PCDHGA6: variants seen among roughly 807,000 people sequenced by gnomAD.
PCDHGA6 encodes the protein protocadherin gamma subfamily A, 6.
In PCDHGA6, 41 loss-of-function variants were observed where a neutral mutation model predicts 60.6. The ratio of observed to expected loss-of-function variants is 0.68; its 90% CI spans 0.53 to 0.88. The LOEUF (loss-of-function observed/expected upper bound fraction) is 0.88. Among genes scored for constraint, PCDHGA6 ranks in the 40% least tolerant of loss-of-function variants. The pLI, the probability that PCDHGA6 is intolerant of heterozygous loss-of-function variation, is 0.00. For synonymous variants in PCDHGA6, 594 were observed against 524.4 expected (o/e 1.13, Z -1.81); for missense variants, 1,312 against 1,203.0 (o/e 1.09, Z -1.34).
chr5:141,510,472 G>A (rs1209464436), intron 3 of PCDHGA6, among the ~76,000 whole-genome samples: 7 of 152,102 alleles, frequency 4.6e-5, no homozygotes, highest in Non-Finnish European at 1.0e-4. Context: ...GGAGTCAGAG[G>A]CTCCCTTGAG....
At chr5:141,436,611 C>T (rs893312137) in intron 1 of PCDHGA6, among the ~76,000 whole-genome samples, 1 of 152,126 alleles carries the variant, frequency 6.6e-6, no homozygotes, top group Non-Finnish European at 1.5e-5. Context: ...CTAGGGCTAA[C>T]AAAAATCTGA....
At chr5:141,404,779 C>G in intron 1 of PCDHGA6, 1 of 1,613,746 alleles carries the variant, frequency 6.2e-7, no homozygotes, top group Non-Finnish European at 8.5e-7. Context: ...ACCGCCTATT[C>G]AAGGCCAGTG....
Position 141,491,648 on chromosome 5 carries a change from T to A in PCDHGA6, c.2425-3159T>A. 6.2e-7 allele frequency: 1 copy of A among 1,613,834 alleles called. No individual in the cohort carries two copies. Among genetic ancestry groups the A allele is most frequent in the Non-Finnish European group, 8.5e-7 (1 of 1,180,002 alleles). ...GTTCAGCAGCCCACAGCTCTGGCGC[T>A]GGAGCCTGACGCCATCCGGTCCCGC... On this transcript the variant is annotated intron_variant, in intron 1 of 3. Transcript: ENST00000517434. This position sits in a 1 kb window ranked among gnomAD's most constrained non-coding sequence, Gnocchi z 6.9.
At chr5:141,409,596 A>G in intron 1 of PCDHGA6, 1 of 1,613,714 alleles carries the variant, frequency 6.2e-7, no homozygotes, top group Non-Finnish European at 8.5e-7. Flanking sequence ...GCCGAGAACA[A>G]CCCGCCAGGA....
chr5:141,503,608 A>G (rs1451651299), intron 2 of PCDHGA6, among the ~76,000 whole-genome samples: 3 of 151,994 alleles, frequency 2.0e-5, no homozygotes, highest in South Asian at 2.1e-4. Flanking sequence ...CAAAAAAAAA[A>G]AAAAAAGAAA....
At chr5:141,400,560 C>CGTAA in intron 1 of PCDHGA6, 5 of 1,613,248 alleles carry the variant, frequency 3.1e-6, no homozygotes, top group Non-Finnish European at 3.4e-6. Flanking sequence ...TTTCATTACC[C>CGTAA]ACCCAATTTT....
At chr5:141,500,840 C>G (rs1394248251) in intron 2 of PCDHGA6, among the ~76,000 whole-genome samples, 1 of 151,966 alleles carries the variant, frequency 6.6e-6, no homozygotes, top group Non-Finnish European at 1.5e-5. Context: ...TGCTAATGGG[C>G]TTTTGCTACA....
chr5:141,505,341 A>T, intron 2 of PCDHGA6, 52 bp from the exon 3 acceptor site: 1 of 1,612,728 alleles, frequency 6.2e-7, no homozygotes, highest in Non-Finnish European at 8.5e-7. Flanking sequence ...CAGGAGGGGC[A>T]TGAGCTGTGC....
chr5:141,415,210 C>G lies in PCDHGA6; in HGVS notation c.2424+38703C>G, dbSNP rs2095843973. The G allele has an allele frequency of 2.5e-6, 4 of 1,614,068 alleles. No individual in the cohort carries two copies. The highest frequency in any genetic ancestry group is 1.6e-4 in the Middle Eastern group (1 of 6,062). ...CAGCATCCCCCAAGTCCTGGCGGAC[C>G]TCGGCAGCTTCGAGTCTCCAGCTAA... is the stretch of plus-strand genomic sequence containing the variant. On this transcript the variant is annotated intron_variant, in intron 1 of 3. Coordinates refer to ENST00000517434, the MANE Select transcript of PCDHGA6 (RefSeq NM_018919.3).
intron 2 of PCDHGA6, among the ~76,000 whole-genome samples, chr5:141,504,704 A>G (rs965376942): frequency 1.3e-5 from 2 of 151,356 alleles, no homozygotes; most frequent in African/African-American, 4.8e-5. Flanking sequence ...AGGTTCTTCT[A>G]TGGCCGTGGA....
rs554119295 is a variant in PCDHGA6 at position 141,482,963 on chromosome 5, C to T, written c.2425-11844C>T. 1.7e-4 allele frequency among the ~76,000 whole-genome samples: 10 copies of T among 57,958 alleles called. No homozygotes were observed. In the South Asian group the frequency reaches 4.5e-3, roughly 26 times the overall value. 38.0% of individuals were successfully genotyped at this position (57,958 alleles called of 152,430 possible). On this transcript the variant is annotated intron_variant, in intron 1 of 3. Coordinates refer to ENST00000517434, the MANE Select transcript of PCDHGA6 (RefSeq NM_018919.3). The stretch of plus-strand genomic sequence containing the variant: ...TTGTGGGTGCCTGTAATTCCAGCTA[C>T]TTGAGCAGCTACTTGAGAGGTCGAG...
chr5:141,405,419 T>C, intron 1 of PCDHGA6: 7 of 1,509,010 alleles, frequency 4.6e-6, no homozygotes, highest in Non-Finnish European at 5.4e-6. Flanking sequence ...TTTTTTGTTT[T>C]TTGTTTTGTT....
chr5:141,423,131 A>C (rs370773437), intron 1 of PCDHGA6: 1 of 1,613,538 alleles, frequency 6.2e-7, no homozygotes. Flanking sequence ...GCACTGCTGG[A>C]CAGAGACGCG....
chr5:141,383,197 G>C lies in PCDHGA6; in HGVS notation c.2424+6690G>C, dbSNP rs184479480. ...CCGGGAAGAGATCTGCGCTCAGAGTGCGCGGTGTCTGGTAAACTTTAACAT... is the reference window on the plus strand; with the variant it reads ...CCGGGAAGAGATCTGCGCTCAGAGTCCGCGGTGTCTGGTAAACTTTAACAT... On this transcript the variant is annotated intron_variant, in intron 1 of 3. Transcript: ENST00000517434. 7.4e-4 allele frequency: 1,202 copies of C among 1,614,034 alleles called. 10 individuals are homozygous for C. The African/African-American group carries it at 0.015, about 20-fold the overall frequency.
chr5:141,402,842 A>G, intron 1 of PCDHGA6: 1 of 1,396,816 alleles, frequency 7.2e-7, no homozygotes, highest in Non-Finnish European at 9.4e-7. Flanking sequence ...AGCAAAACTC[A>G]GCCTCTTTCT....
Position 141,382,839 on chromosome 5 carries a change from T to C in PCDHGA6, c.2424+6332T>C, listed in dbSNP as rs11575957. On this transcript the variant is annotated intron_variant, in intron 1 of 3. Coordinates refer to ENST00000517434, the MANE Select transcript of PCDHGA6 (RefSeq NM_018919.3). ...CCTAAGACAGAGGGGTCCACCCGGATACACCCGCATTCTGAAGCACTTCCC... is the reference window on the plus strand; with the variant it reads ...CCTAAGACAGAGGGGTCCACCCGGACACACCCGCATTCTGAAGCACTTCCC... The C allele has an allele frequency of 5.0e-3, 7,225 of 1,450,218 alleles. 38 individuals are homozygous for C. Among genetic ancestry groups the C allele is most frequent in the Admixed American group, 9.6e-3 (425 of 44,246 alleles). 89.8% of individuals were successfully genotyped at this position (1,450,218 alleles called of 1,614,324 possible).
rs1591337394 is a variant in PCDHGA6, at chr5:141,434,573, C to A, written c.2424+58066C>A. 2.0e-5 allele frequency among the ~76,000 whole-genome samples: 3 copies of A among 152,336 alleles called. No individual in the cohort carries two copies. The South Asian group carries it at 6.2e-4, about 32-fold the overall frequency. On this transcript the variant is annotated intron_variant, in intron 1 of 3. Transcript: ENST00000517434. The stretch of plus-strand genomic sequence containing the variant: ...TCTGTGCCTTAAGGACATGCCCCTG[C>A]TGCAGATAACTACCTCAATCCATCC...
At chr5:141,413,931 A>T (rs776911095) in intron 1 of PCDHGA6, 1 of 1,613,254 alleles carries the variant, frequency 6.2e-7, no homozygotes, top group Non-Finnish European at 8.5e-7. Flanking sequence ...CAGAATACCG[A>T]GTGAGTGTTC....
chr5:141,452,641 CT>C (rs1351640847), intron 1 of PCDHGA6, among the ~76,000 whole-genome samples: 3 of 151,934 alleles, frequency 2.0e-5, no homozygotes, highest in Admixed American at 1.3e-4. Flanking sequence ...AATATATTTA[CT>C]CATTTGCTCC....
Sources: gnomAD v4.1 joint callset for allele counts (sites outside exome capture counted in the v4.1 genomes callset) on GRCh38, gnomAD v4.1.1 for gene constraint, Gnocchi (gnomAD v3.1) non-coding constraint, MANE v1.5 for transcripts, NCBI Gene and HGNC (gene_info 2026-07-23, HGNC 2026-07-21) for gene names.